Variants in POLR1B observed in about 807,000 individuals in gnomAD.
POLR1B encodes RNA polymerase I subunit B.
POLR1B carries 30 observed loss-of-function variants against 105.8 expected under a neutral mutation model. That is an observed-to-expected ratio of 0.28 (90% confidence interval 0.21 to 0.38). POLR1B has a LOEUF of 0.38. Ranked by LOEUF, POLR1B falls within the 10% of genes least tolerant of loss-of-function variation. The probability of loss-of-function intolerance (pLI) is 1.00; values close to 1 mark genes in which losing one functional copy is unlikely to be tolerated. For synonymous variants in POLR1B, 485 were observed against 505.1 expected, an observed-to-expected ratio of 0.96 and a Z score of 0.53; for missense variants, 976 against 1,435.8, an observed-to-expected ratio of 0.68 and a Z score of 5.17.
chr2:112,547,059 T>C lies in POLR1B; in HGVS notation c.225T>C (p.Phe75=). The C allele has an allele frequency of 6.2e-7, 1 of 1,614,204 alleles. No homozygotes were observed. The highest frequency in any genetic ancestry group is 8.5e-7 in the Non-Finnish European group (1 of 1,180,034). ...EFAFKDERIS[F]TILDAVISPP... ...CTTTCAAAGATGAGCGTATCTCTTT[T>C]ACTATTCTGGATGCTGTTATCAGTC... The change falls in exon 2 of 15, where the codon TTT becomes TTC. Residue 75 remains phenylalanine (F), a synonymous_variant. Coordinates refer to ENST00000263331, the MANE Select transcript of POLR1B (RefSeq NM_019014.6).
At position 112,577,997 on chromosome 2, in the gene POLR1B, A is replaced by G. The variant is rs1255269122; in HGVS notation, c.*2268A>G. ...GAATCCCAACCACACACTTTCACAC[A>G]CTATTCCAGGTTCTGGCTACTGAAT... On this transcript the variant is annotated 3_prime_UTR_variant, in exon 15 of 15. Coordinates refer to ENST00000263331, the MANE Select transcript of POLR1B (RefSeq NM_019014.6). 1.3e-5 allele frequency among the ~76,000 whole-genome samples: 2 copies of G among 152,096 alleles called. No individual in the cohort carries two copies. Among genetic ancestry groups the G allele is most frequent in the Non-Finnish European group, 2.9e-5 (2 of 68,014 alleles).
chr2:112,564,632 G>A (rs1684184750), intron 10 of POLR1B, 133 bp downstream of exon 10: 5 of 1,214,742 alleles, frequency 4.1e-6, no homozygotes, highest in Non-Finnish European at 5.9e-6. Flanking sequence ...CAGAATGCCT[G>A]TGCATTCCCT....
intron 7 of POLR1B, among the ~76,000 whole-genome samples, chr2:112,555,048 G>T (rs929540264): frequency 6.6e-6 from 1 of 152,206 alleles, no homozygotes; most frequent in African/African-American, 2.4e-5. Context: ...GGGCATGCTG[G>T]CATGCTGCAG....
rs752106234 is a variant in POLR1B, at chr2:112,547,562, G to A, written c.487G>A (p.Ala163Thr). 56 of 1,613,842 alleles carry A rather than the reference G, an allele frequency of 3.5e-5. 2 individuals are homozygous for A. The South Asian group carries it at 4.7e-4, about 14-fold the overall frequency. ...PQALIEHHEE[A>T]EEMGGYFIIN... is the part of the protein sequence containing the mutation. ...AGCCCTCATTGAGCACCATGAGGAG[G>A]CAGAGGTAATGACGGGCGTCCAGGC... is the stretch of plus-strand genomic sequence containing the variant. Residue 163 changes from alanine to threonine, a missense_variant, in exon 3 of 15, where the codon GCA becomes ACA. Around this residue, in one of 12 missense-constraint regions of POLR1B, gnomAD observed 452 missense variants for 616.5 expected, o/e 0.73. Transcript: ENST00000263331.
intron 12 of POLR1B, among the ~76,000 whole-genome samples, chr2:112,569,299 A>G (rs1403937094): frequency 1.3e-5 from 2 of 152,200 alleles, no homozygotes; most frequent in Non-Finnish European, 2.9e-5. Flanking sequence ...TCAAGTTTTC[A>G]TTGTATACAA....
At chr2:112,542,095 G>T (rs945766387), upstream of POLR1B, 3 of 1,535,068 alleles carry the variant, frequency 2.0e-6, no homozygotes, top group African/African-American at 2.7e-5. Context: ...ACAGGTGAAG[G>T]GAAACAGAAG....
At chr2:112,545,644 C>G (rs903269701) in intron 1 of POLR1B, among the ~76,000 whole-genome samples, 5 of 111,152 alleles carry the variant, frequency 4.5e-5, no homozygotes, top group Non-Finnish European at 1.0e-4. Flanking sequence ...TAACTTCATT[C>G]TGTTTTTTTT....
chr2:112,543,928 TA>T (rs1682900817), intron 1 of POLR1B, among the ~76,000 whole-genome samples: 2 of 151,634 alleles, frequency 1.3e-5, no homozygotes, highest in African/African-American at 4.9e-5. Context: ...CACAAAAATT[TA>T]AAAATTAGTG....
rs1682804402 is a variant in POLR1B at position 112,542,486 on chromosome 2, G to C, written c.-9G>C. 6.2e-7 allele frequency: 1 copy of C among 1,613,438 alleles called. No individual in the cohort carries two copies. The highest frequency in any genetic ancestry group is 1.7e-5 in the Admixed American group (1 of 60,010). ...CCGAGAGACTGGCGTCCGGTGTGCA[G>C]GTGGCCACATGGATCCTGGCAGCCG... On this transcript the variant is annotated 5_prime_UTR_variant, in exon 1 of 15. Coordinates refer to ENST00000263331, the MANE Select transcript of POLR1B (RefSeq NM_019014.6).
rs747914231 is a variant in POLR1B, at chr2:112,550,848, TG to T, written c.626-17del. The T allele has an allele frequency of 6.2e-7, 1 of 1,609,738 alleles. No homozygotes were observed. Among genetic ancestry groups the T allele is most frequent in the South Asian group, 1.1e-5 (1 of 90,470 alleles). ...GATATCAATGAGTTTCTGATTTTTTTGTTGTTTGGTTCAATAGGAGTTTCAA... is the reference window on the plus strand; with the variant it reads ...GATATCAATGAGTTTCTGATTTTTTTTTGTTTGGTTCAATAGGAGTTTCAA... On this transcript the variant is annotated splice_polypyrimidine_tract_variant and intron_variant, in intron 4 of 14. Transcript: ENST00000263331.
In POLR1B at chr2:112,577,332, C is replaced by T. The variant is rs1684915794; in HGVS notation, c.*1603C>T. Among the ~76,000 whole-genome samples the T allele has an allele frequency of 6.6e-6, 1 of 152,190 alleles. No individual in the cohort carries two copies. The highest frequency in any genetic ancestry group is 6.5e-5 in the Admixed American group (1 of 15,276). Reference sequence around the variant, plus strand: ...GCCTAGGCAGGAGCAATCACTTGTGCCTGGGAGTTCTAGACTAGCCTGGGC... The same window carrying T: ...GCCTAGGCAGGAGCAATCACTTGTGTCTGGGAGTTCTAGACTAGCCTGGGC... On this transcript the variant is annotated 3_prime_UTR_variant, in exon 15 of 15. Transcript: ENST00000263331.
chr2:112,557,512 A>G (rs1467913797), intron 7 of POLR1B, among the ~76,000 whole-genome samples: 1 of 152,222 alleles, frequency 6.6e-6, no homozygotes, highest in Admixed American at 6.5e-5. Context: ...ATGTTAGTAG[A>G]CGTTTGTTAA....
At chr2:112,548,552 T>G (rs1683181141) in intron 3 of POLR1B, among the ~76,000 whole-genome samples, 1 of 152,188 alleles carries the variant, frequency 6.6e-6, no homozygotes, top group African/African-American at 2.4e-5. Context: ...TACAATCAAG[T>G]TTTTGAACGT....
rs1355378258 is a variant in POLR1B at position 112,575,819 on chromosome 2, T to A, written c.*90T>A. 1 of 1,412,708 alleles carries A rather than the reference T, an allele frequency of 7.1e-7. No homozygotes were observed. The highest frequency in any genetic ancestry group is 2.3e-5 in the East Asian group (1 of 43,736). The allele number at this position is 1,412,708 out of a possible 1,614,324, so 87.5% of individuals were successfully genotyped here. On this transcript the variant is annotated 3_prime_UTR_variant, in exon 15 of 15. Coordinates refer to ENST00000263331, the MANE Select transcript of POLR1B (RefSeq NM_019014.6). The surrounding 1 kb of genome is among the most constrained non-coding windows in gnomAD (Gnocchi z 5.3). ...TGAAGATATCATTACCAGGTTACTC[T>A]TGAGATTTTTCAACGGTGTTAGAAC... is the stretch of plus-strand genomic sequence containing the variant.
intron 12 of POLR1B, among the ~76,000 whole-genome samples, chr2:112,570,250 G>C (rs919475491): frequency 2.6e-5 from 4 of 151,984 alleles, no homozygotes; most frequent in Admixed American, 6.6e-5. Context: ...GTTTCACCAT[G>C]TTGGCCTGGC....
chr2:112,549,205 G>T (rs1228870848), intron 3 of POLR1B, 62 bp from the exon 4 acceptor site: 2 of 1,582,032 alleles, frequency 1.3e-6, no homozygotes, highest in Non-Finnish European at 8.7e-7. Context: ...TAGGAGTGAG[G>T]TTCATGTTTA....
Position 112,559,289 on chromosome 2 carries a change from T to C in POLR1B, c.1331-4T>C, listed in dbSNP as rs750139955. 1 of 1,612,360 alleles carries C rather than the reference T, an allele frequency of 6.2e-7. No individual in the cohort carries two copies. Among genetic ancestry groups the C allele is most frequent in the East Asian group, 2.2e-5 (1 of 44,848 alleles). ...CATTTTTGAATGACTTTTGTTTTAT[T>C]AAGGTCTTGGCCTCCTACAAGATTC... is the stretch of plus-strand genomic sequence containing the variant. On this transcript the variant is annotated splice_region_variant and splice_polypyrimidine_tract_variant and intron_variant, in intron 8 of 14. Coordinates refer to ENST00000263331, the MANE Select transcript of POLR1B (RefSeq NM_019014.6).
At position 112,577,926 on chromosome 2, in the gene POLR1B, A is replaced by G. The variant is rs1684939711; in HGVS notation, c.*2197A>G. Among the ~76,000 whole-genome samples, 2 of 152,036 alleles carry G rather than the reference A, an allele frequency of 1.3e-5. No homozygotes were observed. Among genetic ancestry groups the G allele is most frequent in the Admixed American group, 6.6e-5 (1 of 15,250 alleles). On this transcript the variant is annotated 3_prime_UTR_variant, in exon 15 of 15. Coordinates refer to ENST00000263331, the MANE Select transcript of POLR1B (RefSeq NM_019014.6). ...CTTCAGGAAGCTGGTTGAGAAGAAG[A>G]AGGAAAAAGTCGATTCTACTGACTG...
rs1363752077 is a variant in POLR1B, at chr2:112,576,563, T to C, written c.*834T>C. 1 of 152,234 alleles carries C rather than the reference T, an allele frequency of 6.6e-6. No homozygotes were observed. Among genetic ancestry groups the C allele is most frequent in the African/African-American group, 2.4e-5 (1 of 41,456 alleles). 9.4% of individuals were successfully genotyped at this position (152,234 alleles called of 1,614,324 possible). On this transcript the variant is annotated 3_prime_UTR_variant, in exon 15 of 15. Transcript: ENST00000263331. ...ACCCTTCTACCCTGTTTCTATGAGTTTGACTATTACAGATATCTCATATAG... is the reference window on the plus strand; with the variant it reads ...ACCCTTCTACCCTGTTTCTATGAGTCTGACTATTACAGATATCTCATATAG...
Sources: gnomAD v4.1 joint callset for allele counts (sites outside exome capture counted in the v4.1 genomes callset) on GRCh38, gnomAD v4.1.1 for gene constraint, gnomAD v4.1.1 regional missense constraint, Gnocchi (gnomAD v3.1) non-coding constraint, MANE v1.5 for transcripts, NCBI Gene and HGNC (gene_info 2026-07-23, HGNC 2026-07-21) for gene names.